Variants in SLC25A46 observed in about 807,000 individuals in gnomAD.
SLC25A46 encodes the protein mitochondrial outer membrane protein SLC25A46.
A neutral mutation model predicts 44.6 loss-of-function variants in SLC25A46; 39 were observed. That is an observed-to-expected ratio of 0.87 (90% CI 0.68 to 1.14). The LOEUF is 1.14. SLC25A46 is among the 50% of genes most tolerant of loss of function. The pLI is 0.00. For missense variants in SLC25A46, 547 were observed against 522.7 expected, an observed-to-expected ratio of 1.05 and a Z score of -0.45; for synonymous variants, 202 against 185.8, an observed-to-expected ratio of 1.09 and a Z score of -0.71.
In SLC25A46 at chr5:110,761,305, G is replaced by A. The variant is rs766154121; in HGVS notation, c.780G>A (p.Pro260=). Residue 260 remains proline (P), a synonymous_variant, in exon 8 of 8, where the codon CCG becomes CCA. Coordinates refer to ENST00000355943, the MANE Select transcript of SLC25A46 (RefSeq NM_138773.4). This position sits in a 1 kb window ranked among gnomAD's most constrained non-coding sequence, Gnocchi z 5.3. Reference sequence around the variant, plus strand: ...TGCCTCATAGCAAACGACTTCTTCCGCTTCTTTCCTTGATCTTCCCTACGG... The same window carrying A: ...TGCCTCATAGCAAACGACTTCTTCCACTTCTTTCCTTGATCTTCCCTACGG... ...MGVPHSKRLL[P]LLSLIFPTVL... is the part of the protein sequence containing the mutation. 56 of 1,613,610 alleles carry A rather than the reference G, an allele frequency of 3.5e-5. No individual in the cohort carries two copies. Among genetic ancestry groups the A allele is most frequent in the Non-Finnish European group, 4.5e-5 (53 of 1,179,798 alleles).
At chr5:110,741,247 C>T (rs1278211450) in intron 1 of SLC25A46, among the ~76,000 whole-genome samples, 3 of 152,172 alleles carry the variant, frequency 2.0e-5, no homozygotes, top group Non-Finnish European at 2.9e-5. Flanking sequence ...AGAAGAAAGG[C>T]TTTTCTCTTT....
Position 110,743,781 on chromosome 5 carries a change from A to G in SLC25A46, c.378A>G (p.Gln126=), listed in dbSNP as rs151055603. 8,533 of 1,605,066 alleles carry G rather than the reference A, an allele frequency of 5.3e-3. 36 individuals are homozygous for G. Among genetic ancestry groups the G allele is most frequent in the Non-Finnish European group, 6.0e-3 (7,043 of 1,174,174 alleles). ...LAHPCIVLRR[Q]CQVNYHAQHY... ...ATCCTTGCATTGTTCTACGCCGCCA[A>G]TGTCAGGTAAATGTAATTTCTGTGA... The change falls in exon 3 of 8, where the codon CAA becomes CAG. Residue 126 remains glutamine, a synonymous_variant. Coordinates refer to ENST00000355943, the MANE Select transcript of SLC25A46 (RefSeq NM_138773.4).
chr5:110,755,540 C>T lies in SLC25A46; in HGVS notation c.620+19C>T, dbSNP rs1284421665. ...TGAAATCGTAAGTATCAAAAAATGG[C>T]ATTTTTATTGGGCATTTTCACTAAT... On this transcript the variant is annotated intron_variant, in intron 6 of 7. Coordinates refer to ENST00000355943, the MANE Select transcript of SLC25A46 (RefSeq NM_138773.4). 5 of 1,511,966 alleles carry T rather than the reference C, an allele frequency of 3.3e-6. No homozygotes were observed. Among genetic ancestry groups the T allele is most frequent in the Non-Finnish European group, 4.5e-6 (5 of 1,111,182 alleles). The allele number at this position is 1,511,966 out of a possible 1,614,324, so 93.7% of individuals were successfully genotyped here. A position where few individuals can be genotyped will look rare whatever the true frequency, so the allele number is the denominator to read the frequency against.
Position 110,761,409 on chromosome 5 carries a change from A to C in SLC25A46, c.884A>C (p.Tyr295Ser), listed in dbSNP as rs765131039. ...CTACTAATTCTAAAGAGAAAGACTT[A>C]CAATAGCCACCTAGCTGAGAGCACT... is the stretch of plus-strand genomic sequence containing the variant. ...FVLLILKRKT[Y>S]NSHLAESTSP... The change falls in exon 8 of 8, where the codon TAC (tyrosine) becomes TCC (serine). Residue 295 changes from tyrosine to serine, a missense_variant. By Grantham distance (144) the Tyr-to-Ser change is moderately radical. Coordinates refer to ENST00000355943, the MANE Select transcript of SLC25A46 (RefSeq NM_138773.4). The surrounding 1 kb of genome is among the most constrained non-coding windows in gnomAD (Gnocchi z 5.3). The C allele has an allele frequency of 2.1e-5, 34 of 1,613,620 alleles. 1 individual carries two copies. In the East Asian group the frequency reaches 7.1e-4, roughly 34 times the overall value.
chr5:110,762,720 CTCATTTCCCTTTTATT>C lies in SLC25A46; in HGVS notation c.*941_*956del, dbSNP rs1237950146. 5.9e-5 allele frequency: 9 copies of C among 151,782 alleles called. No individual in the cohort carries two copies. Among genetic ancestry groups the C allele is most frequent in the Non-Finnish European group, 1.0e-4 (7 of 67,894 alleles). 9.4% of individuals were successfully genotyped at this position (151,782 alleles called of 1,614,324 possible). ...TTACAAATTGTGTACTTAAATGAAC[CTCATTTCCCTTTTATT>C]TCTGAATGGCTTGTCTGAGAGGAAA... On this transcript the variant is annotated 3_prime_UTR_variant, in exon 8 of 8. Coordinates refer to ENST00000355943, the MANE Select transcript of SLC25A46 (RefSeq NM_138773.4).
chr5:110,761,804 T>C lies in SLC25A46; in HGVS notation c.*22T>C. 1.0e-5 allele frequency: 16 copies of C among 1,557,834 alleles called. No individual in the cohort carries two copies. Among genetic ancestry groups the C allele is most frequent in the Non-Finnish European group, 1.4e-5 (16 of 1,143,636 alleles). On this transcript the variant is annotated 3_prime_UTR_variant, in exon 8 of 8. Coordinates refer to ENST00000355943, the MANE Select transcript of SLC25A46 (RefSeq NM_138773.4). The surrounding 1 kb of genome is among the most constrained non-coding windows in gnomAD (Gnocchi z 5.3). ...TTGAGATTTAGGTTCCTTCACTGAG[T>C]AGTCTGGAAGATATAATCTGGATAA...
intron 1 of SLC25A46, among the ~76,000 whole-genome samples, chr5:110,740,947 G>C (rs111407308): frequency 1.1e-4 from 17 of 152,322 alleles, no homozygotes; most frequent in African/African-American, 4.1e-4. Context: ...GCGAGACTCC[G>C]TCTCAAAACA....
chr5:110,755,301 T>C, intron 5 of SLC25A46, 164 bp from the exon 6 acceptor site: 1 of 516,374 alleles, frequency 1.9e-6, no homozygotes, highest in Non-Finnish European at 3.4e-6. Flanking sequence ...CCATCACAGT[T>C]GTTTACACTG....
At chr5:110,748,454 C>T (rs565841752) in intron 5 of SLC25A46, among the ~76,000 whole-genome samples, 191 bp downstream of exon 5, 1 of 152,016 alleles carries the variant, frequency 6.6e-6, no homozygotes, top group African/African-American at 2.4e-5. Context: ...CAACCCTTGT[C>T]CCCATCCCTC....
At chr5:110,738,958 A>G (rs982442142), upstream of SLC25A46, 3 of 1,442,622 alleles carry the variant, frequency 2.1e-6, no homozygotes, top group African/African-American at 2.9e-5. Context: ...AGAGGCTATA[A>G]TCACGTGCTC....
intron 5 of SLC25A46, chr5:110,754,589 A>G (rs1274959527): frequency 6.6e-6 from 1 of 150,766 alleles, no homozygotes; most frequent in Non-Finnish European, 1.5e-5. Flanking sequence ...AGGTAACCAA[A>G]CTAGCAGACA....
rs1049778146 is a variant in SLC25A46, at chr5:110,756,601, G to C, written c.621-101G>C. On this transcript the variant is annotated intron_variant, in intron 6 of 7. Coordinates refer to ENST00000355943, the MANE Select transcript of SLC25A46 (RefSeq NM_138773.4). Reference sequence around the variant, plus strand: ...TGAAAACCTTAAAAAGATTATTCTAGCTTGACTATAAATTATGTTGACATA... The same window carrying C: ...TGAAAACCTTAAAAAGATTATTCTACCTTGACTATAAATTATGTTGACATA... 5 of 722,640 alleles carry C rather than the reference G, an allele frequency of 6.9e-6. No individual in the cohort carries two copies. In the Admixed American group the frequency reaches 1.6e-4, roughly 23 times the overall value. 44.8% of individuals were successfully genotyped at this position (722,640 alleles called of 1,614,324 possible).
Position 110,742,101 on chromosome 5 carries a change from T to G in SLC25A46, c.326+12T>G, listed in dbSNP as rs766279752. On this transcript the variant is annotated intron_variant, in intron 2 of 7. Transcript: ENST00000355943. ...ATTGGACTTGCAAGGTAATGTTTTATCTAAAGACGTTTACAGCTTTTATTT... is the reference window on the plus strand; with the variant it reads ...ATTGGACTTGCAAGGTAATGTTTTAGCTAAAGACGTTTACAGCTTTTATTT... 10 of 1,544,070 alleles carry G rather than the reference T, an allele frequency of 6.5e-6. No homozygotes were observed. The highest frequency in any genetic ancestry group is 8.8e-6 in the Non-Finnish European group (10 of 1,140,432).
At chr5:110,750,769 G>T (rs939500797) in intron 5 of SLC25A46, among the ~76,000 whole-genome samples, 1 of 152,116 alleles carries the variant, frequency 6.6e-6, no homozygotes, top group South Asian at 2.1e-4. Flanking sequence ...GGAACCCATG[G>T]ATATGGAGGG....
At chr5:110,738,932 T>C (rs1253801532), upstream of SLC25A46, 2 of 1,423,732 alleles carry the variant, frequency 1.4e-6, no homozygotes, top group Admixed American at 2.9e-5. Context: ...AACCGTGCCC[T>C]TTAATGGTTG....
intron 1 of SLC25A46, 98 bp downstream of exon 1, chr5:110,739,500 A>G (rs1484378956): frequency 4.2e-6 from 6 of 1,439,098 alleles, no homozygotes; most frequent in Non-Finnish European, 9.2e-7. Flanking sequence ...CCCGCCTCCT[A>G]TTCCTTCTCA....
intron 5 of SLC25A46, 77 bp downstream of exon 5, chr5:110,748,340 C>G (rs1799873407): frequency 9.0e-7 from 1 of 1,115,362 alleles, no homozygotes; most frequent in African/African-American, 1.5e-5. Context: ...CATGTGCAGG[C>G]TTGTTACATG....
chr5:110,739,188 C>G lies in SLC25A46; in HGVS notation c.69C>G (p.Gly23=). 1 of 1,554,380 alleles carries G rather than the reference C, an allele frequency of 6.4e-7. No homozygotes were observed. The highest frequency in any genetic ancestry group is 1.9e-5 in the Admixed American group (1 of 51,304). Residue 23 remains glycine, a synonymous_variant, in exon 1 of 8, where the codon GGC becomes GGG. Transcript: ENST00000355943. ...GGGGTGGTGCCCGGGACGAGCAGGG[C>G]TTTGGCGGCGCCTTCCCTGCAAGGT... ...GYRGGARDEQ[G]FGGAFPARSF... is the part of the protein sequence containing the mutation.
At chr5:110,741,918 CTT>C (rs1336577084) in intron 1 of SLC25A46, 127 bp from the exon 2 acceptor site, 1 of 645,878 alleles carries the variant, frequency 1.5e-6, no homozygotes, top group African/African-American at 1.9e-5. Flanking sequence ...CAGAATTTGA[CTT>C]TGAGGTTTAA....
Sources: allele counts gnomAD v4.1 joint callset (sites outside exome capture counted in the v4.1 genomes callset), GRCh38; gene constraint gnomAD v4.1.1; non-coding constraint Gnocchi (gnomAD v3.1); transcripts MANE v1.5; gene names NCBI Gene and HGNC (gene_info 2026-07-23, HGNC 2026-07-21).